The following CHLSN variants were observed in gnomAD, a reference collection of about 807,000 sequenced individuals.
CHLSN encodes the protein protein cholesin.
At chr7:1,123,374 G>A in the CHLSN span, among the ~76,000 whole-genome samples, 2 of 152,226 alleles carry the variant, frequency 1.3e-5, no homozygotes, top group Non-Finnish European at 2.9e-5. The surrounding 1 kb of genome is among the most constrained non-coding windows in gnomAD (Gnocchi z 4.4). Flanking sequence ...AGGCTCCCCA[G>A]ACGGACGTTG....
At chr7:984,360 G>GT in the CHLSN span, 40 of 1,408,446 alleles carry the variant, frequency 2.8e-5, no homozygotes, top group African/African-American at 9.3e-4. Flanking sequence ...GGGGACCTAA[G>GT]GGGGGTCTTG....
the CHLSN span, chr7:1,087,273 C>T: frequency 2.0e-5 from 3 of 152,174 alleles, no homozygotes; most frequent in Non-Finnish European, 2.9e-5. Flanking sequence ...GCAGCGAGCG[C>T]GGGAGGAGGG....
chr7:1,136,866 A>G, the CHLSN span, among the ~76,000 whole-genome samples: 1 of 151,850 alleles, frequency 6.6e-6, no homozygotes, highest in Non-Finnish European at 1.5e-5. Flanking sequence ...CCATCCATAA[A>G]TCCTCTCTTT....
At chr7:987,212 G>A in the CHLSN span, 22 of 1,544,538 alleles carry the variant, frequency 1.4e-5, no homozygotes, top group East Asian at 2.4e-5. Flanking sequence ...GCAGTGGGCC[G>A]CACTTCTGAT....
At chr7:994,775 T>C in the CHLSN span, among the ~76,000 whole-genome samples, 1 of 152,238 alleles carries the variant, frequency 6.6e-6, no homozygotes, top group Admixed American at 6.5e-5. Context: ...TTCTGACACC[T>C]GCACACACTT....
the CHLSN span, among the ~76,000 whole-genome samples, chr7:1,041,192 T>G: frequency 6.7e-6 from 1 of 150,004 alleles, no homozygotes; most frequent in East Asian, 2.0e-4. Context: ...AGAATAGGAC[T>G]TGGGCTCCGC....
the CHLSN span, among the ~76,000 whole-genome samples, chr7:1,063,988 G>A: frequency 5.8e-3 from 883 of 152,258 alleles, 12 homozygotes; most frequent in African/African-American, 0.02. Context: ...CTGCAGAGGT[G>A]GGGGGCAGGG....
the CHLSN span, among the ~76,000 whole-genome samples, chr7:1,004,859 C>A: frequency 6.6e-6 from 1 of 152,222 alleles, no homozygotes; most frequent in Non-Finnish European, 1.5e-5. Context: ...CCCTTGTCCC[C>A]AGCATAGCGG....
the CHLSN span, among the ~76,000 whole-genome samples, chr7:1,035,795 C>T: frequency 6.6e-6 from 1 of 152,166 alleles, no homozygotes; most frequent in Non-Finnish European, 1.5e-5. Context: ...TGGTATTCAC[C>T]CACATGAACT....
At chr7:1,136,323 A>AACATATAAAT in the CHLSN span, among the ~76,000 whole-genome samples, 1 of 103,450 alleles carries the variant, frequency 9.7e-6, no homozygotes, top group African/African-American at 5.1e-5. Context: ...TATAAACATA[A>AACATATAAAT]ATATATAAAT....
chr7:1,107,234 C>A, the CHLSN span, among the ~76,000 whole-genome samples: 2 of 152,170 alleles, frequency 1.3e-5, no homozygotes, highest in African/African-American at 4.8e-5. Flanking sequence ...AACCCACTAT[C>A]CCCAAGCTCA....
chr7:1,088,806 T>G, the CHLSN span, among the ~76,000 whole-genome samples: 1 of 151,960 alleles, frequency 6.6e-6, no homozygotes, highest in Non-Finnish European at 1.5e-5. The surrounding 1 kb of genome is among the most constrained non-coding windows in gnomAD (Gnocchi z 4.5). Flanking sequence ...TGTTTATAAC[T>G]CCATGGCCAC....
the CHLSN span, among the ~76,000 whole-genome samples, chr7:1,019,809 G>C: frequency 6.6e-6 from 1 of 152,198 alleles, no homozygotes; most frequent in East Asian, 1.9e-4. Context: ...TGGGGGGCTG[G>C]GGCTGCCTGG....
the CHLSN span, among the ~76,000 whole-genome samples, chr7:995,298 C>G: frequency 5.9e-5 from 9 of 152,238 alleles, no homozygotes; most frequent in African/African-American, 9.6e-5. Flanking sequence ...CCAGGGAGCC[C>G]TGAGGAGCTT....
At chr7:1,031,397 G>GA in the CHLSN span, among the ~76,000 whole-genome samples, 1 of 137,208 alleles carries the variant, frequency 7.3e-6, no homozygotes, top group African/African-American at 2.9e-5. Context: ...GGTCCGGGGG[G>GA]GCAGAGACCT....
the CHLSN span, among the ~76,000 whole-genome samples, chr7:1,033,192 A>G: frequency 6.6e-6 from 1 of 152,224 alleles, no homozygotes; most frequent in South Asian, 2.1e-4. Flanking sequence ...ACTCAGCAAC[A>G]TGGAAAAAGA....
At chr7:1,050,891 T>C in the CHLSN span, among the ~76,000 whole-genome samples, 3 of 152,178 alleles carry the variant, frequency 2.0e-5, no homozygotes, top group Non-Finnish European at 2.9e-5. Context: ...GGAGAAACTC[T>C]ACCCCTGTCC....
the CHLSN span, chr7:1,092,902 G>T: frequency 6.5e-7 from 1 of 1,546,406 alleles, no homozygotes; most frequent in Non-Finnish European, 8.9e-7. Flanking sequence ...CTCGGGAGCT[G>T]CACACACCTG....
At chr7:1,073,654 CCT>C in the CHLSN span, among the ~76,000 whole-genome samples, 44 of 151,614 alleles carry the variant, frequency 2.9e-4, no homozygotes, top group Admixed American at 8.5e-4. Context: ...CGTGATGCCC[CCT>C]GACTCCGCAC....
Sources: gnomAD v4.1 joint callset for allele counts (sites outside exome capture counted in the v4.1 genomes callset) on GRCh38, gnomAD v4.1.1 for gene constraint, Gnocchi (gnomAD v3.1) non-coding constraint, MANE v1.5 for transcripts, NCBI Gene and HGNC (gene_info 2026-07-23, HGNC 2026-07-21) for gene names.